Variants in MAP3K9 observed in about 807,000 individuals in gnomAD.
MAP3K9 encodes the protein mitogen-activated protein kinase kinase kinase 9.
In MAP3K9, 46 loss-of-function variants were observed where a neutral mutation model predicts 95.8. The observed-to-expected ratio is 0.48, with a 90% CI of 0.38 to 0.61. The LOEUF is 0.61. Ranked by LOEUF, MAP3K9 falls within the 20% of genes least tolerant of loss-of-function variation. The pLI, the probability that MAP3K9 is intolerant of heterozygous loss-of-function variation, is 0.00. For synonymous variants in MAP3K9, 533 were observed against 593.8 expected (o/e 0.90, Z 1.49); for missense variants, 1,296 against 1,474.3 (o/e 0.88, Z 1.98).
At chr14:70,735,936 G>A in intron 9 of MAP3K9, 25 bp downstream of exon 9, 1 of 1,552,494 alleles carries the variant, frequency 6.4e-7, no homozygotes, top group East Asian at 2.2e-5. Context: ...AGGACAGCTG[G>A]TGAAAGGGTG....
chr14:70,747,316 C>T (rs972733781), intron 5 of MAP3K9, among the ~76,000 whole-genome samples: 1 of 152,114 alleles, frequency 6.6e-6, no homozygotes, highest in African/African-American at 2.4e-5. Flanking sequence ...TTAGTTCTCA[C>T]GAGATCTGAT....
At chr14:70,747,163 C>G (rs943788874) in intron 5 of MAP3K9, among the ~76,000 whole-genome samples, 1 of 151,948 alleles carries the variant, frequency 6.6e-6, no homozygotes, top group South Asian at 2.1e-4. Flanking sequence ...ATAAAAATGA[C>G]ACTTGATATG....
chr14:70,789,966 G>A (rs1236753846), intron 2 of MAP3K9, among the ~76,000 whole-genome samples: 1 of 152,200 alleles, frequency 6.6e-6, no homozygotes, highest in Non-Finnish European at 1.5e-5. Flanking sequence ...TCAAAAAAGT[G>A]AGCAGGAAGC....
At chr14:70,793,222 T>C (rs1229209632) in intron 2 of MAP3K9, among the ~76,000 whole-genome samples, 2 of 152,134 alleles carry the variant, frequency 1.3e-5, no homozygotes, top group Non-Finnish European at 2.9e-5. Flanking sequence ...GGCCAGTGAG[T>C]TAGCCAGGGC....
chr14:70,742,093 G>A (rs2054078386), intron 6 of MAP3K9, among the ~76,000 whole-genome samples: 1 of 152,162 alleles, frequency 6.6e-6, no homozygotes, highest in African/African-American at 2.4e-5. Flanking sequence ...TGAGCCACCA[G>A]GCTTCTAGCA....
intron 2 of MAP3K9, among the ~76,000 whole-genome samples, chr14:70,769,588 G>A (rs1042920829): frequency 1.3e-5 from 2 of 152,102 alleles, no homozygotes; most frequent in African/African-American, 4.8e-5. Context: ...TCAAGGTGTC[G>A]GCAGGGCCAT....
At chr14:70,766,998 T>A (rs1489586932) in intron 2 of MAP3K9, among the ~76,000 whole-genome samples, 3 of 152,208 alleles carry the variant, frequency 2.0e-5, no homozygotes, top group Admixed American at 2.0e-4. Context: ...TGATACAGTA[T>A]GACTCCTAGA....
intron 2 of MAP3K9, among the ~76,000 whole-genome samples, chr14:70,775,684 A>G (rs1246971782): frequency 6.6e-6 from 1 of 152,198 alleles, no homozygotes; most frequent in Non-Finnish European, 1.5e-5. Context: ...AGGGACAAGG[A>G]GAGAAACCTG....
At chr14:70,792,229 A>C in intron 2 of MAP3K9, among the ~76,000 whole-genome samples, 1 of 152,244 alleles carries the variant, frequency 6.6e-6, no homozygotes, top group South Asian at 2.1e-4. Context: ...CCTGCAACCA[A>C]AAGATAAATC....
intron 2 of MAP3K9, among the ~76,000 whole-genome samples, chr14:70,785,257 C>G (rs1044179704): frequency 6.6e-6 from 1 of 152,124 alleles, no homozygotes. Flanking sequence ...TTCTAAAGGA[C>G]CAAATACAAA....
intron 2 of MAP3K9, among the ~76,000 whole-genome samples, chr14:70,798,627 CGCCACTACGCCCG>C (rs1343278439): frequency 6.6e-6 from 1 of 150,742 alleles, no homozygotes; most frequent in Non-Finnish European, 1.5e-5. Context: ...TACAGGCACC[CGCCACTACGCCCG>C]GCTAATTTTT....
intron 2 of MAP3K9, among the ~76,000 whole-genome samples, chr14:70,787,192 T>C (rs1308005533): frequency 6.6e-6 from 1 of 152,138 alleles, no homozygotes; most frequent in African/African-American, 2.4e-5. Flanking sequence ...CACAAGGATT[T>C]GCAGAGAAAG....
intron 2 of MAP3K9, among the ~76,000 whole-genome samples, chr14:70,799,691 T>C (rs765146921): frequency 6.6e-6 from 1 of 152,062 alleles, no homozygotes; most frequent in African/African-American, 2.4e-5. Flanking sequence ...AACAGAAAAA[T>C]AAACCACATC....
rs560313310 is a variant in MAP3K9 at position 70,728,560 on chromosome 14, T to C, written c.*1820A>G. The C allele has an allele frequency of 6.0e-4, 92 of 152,334 alleles. No homozygotes were observed. The highest frequency in any genetic ancestry group is 2.1e-3 in the African/African-American group (87 of 41,562). The allele number at this position is 152,334 out of a possible 1,614,324, so 9.4% of individuals were successfully genotyped here. A position where few individuals can be genotyped will look rare whatever the true frequency, so the allele number is the denominator to read the frequency against. On this transcript the variant is annotated 3_prime_UTR_variant, in exon 12 of 12. Coordinates refer to ENST00000554752, the MANE Select transcript of MAP3K9 (RefSeq NM_001284230.2). ...ATGGGGACAAAAACAGTATCTTACA[T>C]ATTGGCTTCACTGAACAAAGAGAAG...
At chr14:70,754,811 C>A (rs921719944) in intron 3 of MAP3K9, among the ~76,000 whole-genome samples, 5 of 152,078 alleles carry the variant, frequency 3.3e-5, no homozygotes, top group African/African-American at 1.2e-4. Context: ...TAAGACAATG[C>A]CTCCACCTCA....
At chr14:70,782,376 A>G (rs78999980) in intron 2 of MAP3K9, among the ~76,000 whole-genome samples, 2,844 of 152,208 alleles carry the variant, frequency 0.019, 38 homozygotes, top group Non-Finnish European at 0.03. Context: ...AAAAGAAAAC[A>G]TTCCAGGCTC....
intron 2 of MAP3K9, among the ~76,000 whole-genome samples, chr14:70,796,849 A>G (rs1254198692): frequency 6.6e-6 from 1 of 152,206 alleles, no homozygotes; most frequent in Non-Finnish European, 1.5e-5. Context: ...GTCCCAGATG[A>G]CAATATGGAG....
At chr14:70,730,950 T>C (rs1399961327) in intron 11 of MAP3K9, 86 bp from the exon 12 acceptor site, 8 of 1,362,154 alleles carry the variant, frequency 5.9e-6, no homozygotes, top group African/African-American at 1.4e-5. Flanking sequence ...AACACCACCA[T>C]ATCCCTACGC....
Position 70,808,826 on chromosome 14 carries a change from C to T in MAP3K9, c.346G>A (p.Ala116Thr). 2 of 1,596,248 alleles carry T rather than the reference C, an allele frequency of 1.3e-6. No individual in the cohort carries two copies. The highest frequency in any genetic ancestry group is 8.5e-7 in the Non-Finnish European group (1 of 1,174,300). ...FPSNYVTPRS[A>T]FSSRCQPGGE... ...CCGGGCTGGCAGCGGCTGGAGAAGG[C>T]GCTGCGCGGGGTCACGTAGTTGCTG... Residue 116 changes from alanine to threonine, a missense_variant, in exon 1 of 12, where the codon GCC becomes ACC. Physicochemically the swap from Ala to Thr is moderately conservative, Grantham distance 58. Around this residue, in one of 5 missense-constraint regions of MAP3K9, gnomAD observed 338 missense variants for 363.4 expected, o/e 0.93. Coordinates refer to ENST00000554752, the MANE Select transcript of MAP3K9 (RefSeq NM_001284230.2).
Sources: gnomAD v4.1 joint callset for allele counts (sites outside exome capture counted in the v4.1 genomes callset) on GRCh38, gnomAD v4.1.1 for gene constraint, gnomAD v4.1.1 regional missense constraint, MANE v1.5 for transcripts, NCBI Gene and HGNC (gene_info 2026-07-23, HGNC 2026-07-21) for gene names.